The following HEMK2 variants were observed in gnomAD, a reference collection of about 807,000 sequenced individuals.
The protein encoded by HEMK2 is methyltransferase HEMK2.
chr21:28,817,324 C>CA, the HEMK2 span, among the ~76,000 whole-genome samples: 2 of 151,078 alleles, frequency 1.3e-5, no homozygotes, highest in African/African-American at 2.4e-5. Flanking sequence ...GGATGTATTC[C>CA]AAAAAAATTA....
the HEMK2 span, among the ~76,000 whole-genome samples, chr21:28,690,432 T>G: frequency 2.6e-5 from 4 of 152,196 alleles, no homozygotes; most frequent in African/African-American, 7.2e-5. Flanking sequence ...TCTAGCCTTA[T>G]GAGACTCATA....
At chr21:28,867,236 C>G in the HEMK2 span, among the ~76,000 whole-genome samples, 1 of 151,966 alleles carries the variant, frequency 6.6e-6, no homozygotes, top group Non-Finnish European at 1.5e-5. Flanking sequence ...CTGGAAACAA[C>G]CTAAAATTCA....
chr21:28,869,194 C>T, the HEMK2 span, among the ~76,000 whole-genome samples: 4 of 152,136 alleles, frequency 2.6e-5, no homozygotes, highest in Admixed American at 6.5e-5. Context: ...TTTCAACAAA[C>T]GTATATCCAC....
chr21:28,721,456 A>G, the HEMK2 span, among the ~76,000 whole-genome samples: 1 of 152,202 alleles, frequency 6.6e-6, no homozygotes, highest in Admixed American at 6.5e-5. Context: ...GTATTTTTAC[A>G]TAATAGGCAT....
chr21:28,599,760 C>T, the HEMK2 span, among the ~76,000 whole-genome samples: 7 of 152,178 alleles, frequency 4.6e-5, no homozygotes, highest in Non-Finnish European at 1.0e-4. Flanking sequence ...AAATTAAAAG[C>T]AAGTTAGTTA....
chr21:28,863,252 T>G, the HEMK2 span, among the ~76,000 whole-genome samples: 1 of 151,330 alleles, frequency 6.6e-6, no homozygotes, highest in African/African-American at 2.4e-5. Context: ...CCTTCCAGCC[T>G]ATATCTTTCT....
At chr21:28,684,465 T>G in the HEMK2 span, among the ~76,000 whole-genome samples, 2 of 152,206 alleles carry the variant, frequency 1.3e-5, no homozygotes, top group African/African-American at 4.8e-5. Context: ...TTCGAGTCTG[T>G]CATTACGGTT....
At chr21:28,850,790 G>C in the HEMK2 span, among the ~76,000 whole-genome samples, 1 of 152,224 alleles carries the variant, frequency 6.6e-6, no homozygotes, top group Non-Finnish European at 1.5e-5. Context: ...ATATAAAAGG[G>C]AGTTTACTAA....
At chr21:28,663,448 A>C in the HEMK2 span, among the ~76,000 whole-genome samples, 1 of 152,246 alleles carries the variant, frequency 6.6e-6, no homozygotes, top group South Asian at 2.1e-4. Context: ...CAGCCAAATG[A>C]AACACTGCGA....
chr21:28,794,575 T>A, the HEMK2 span, among the ~76,000 whole-genome samples: 5 of 152,248 alleles, frequency 3.3e-5, no homozygotes, highest in African/African-American at 1.2e-4. Flanking sequence ...AACTGCATAT[T>A]TGAGAATTTC....
the HEMK2 span, among the ~76,000 whole-genome samples, chr21:28,712,352 G>C: frequency 6.6e-6 from 1 of 152,236 alleles, no homozygotes; most frequent in Non-Finnish European, 1.5e-5. Flanking sequence ...ACAATGTTTA[G>C]TAATAGAGAA....
At chr21:28,717,254 A>T in the HEMK2 span, among the ~76,000 whole-genome samples, 2 of 151,840 alleles carry the variant, frequency 1.3e-5, no homozygotes, top group African/African-American at 4.8e-5. Context: ...AGGGTTTTTT[A>T]AGGTTGGGTG....
chr21:28,589,632 C>T, the HEMK2 span, among the ~76,000 whole-genome samples: 202 of 152,080 alleles, frequency 1.3e-3, 1 homozygote, highest in African/African-American at 4.5e-3. Context: ...CAGGAGGTTA[C>T]AGACAAACAA....
At chr21:28,769,517 T>C in the HEMK2 span, among the ~76,000 whole-genome samples, 1 of 152,092 alleles carries the variant, frequency 6.6e-6, no homozygotes, top group Non-Finnish European at 1.5e-5. Flanking sequence ...CTACTCCAGA[T>C]GTAAATTTTC....
chr21:28,792,247 GC>G, the HEMK2 span, among the ~76,000 whole-genome samples: 3 of 152,134 alleles, frequency 2.0e-5, no homozygotes. Flanking sequence ...CCAACCAGCA[GC>G]CCTCTGGTTG....
chr21:28,641,429 A>C, the HEMK2 span, among the ~76,000 whole-genome samples: 1 of 152,154 alleles, frequency 6.6e-6, no homozygotes. Context: ...ACCTCTAAAA[A>C]ATGGGCTATA....
At chr21:28,637,634 G>T in the HEMK2 span, among the ~76,000 whole-genome samples, 1 of 152,152 alleles carries the variant, frequency 6.6e-6, no homozygotes, top group Admixed American at 6.5e-5. Flanking sequence ...GTTGAGACTT[G>T]AGCAGCCTTC....
the HEMK2 span, among the ~76,000 whole-genome samples, chr21:28,838,990 TATATATATATACATATATATAC>T: frequency 1.6e-4 from 13 of 79,390 alleles, no homozygotes; most frequent in African/African-American, 6.5e-4. Flanking sequence ...TATATATATA[TATATATATATACATATATATAC>T]ACAATCTGCC....
the HEMK2 span, among the ~76,000 whole-genome samples, chr21:28,869,934 T>C: frequency 6.6e-6 from 1 of 152,236 alleles, no homozygotes; most frequent in Non-Finnish European, 1.5e-5. Flanking sequence ...ACTTCAGAAC[T>C]GGAACACTGC....
Sources: gnomAD v4.1 joint callset for allele counts (sites outside exome capture counted in the v4.1 genomes callset) on GRCh38, gnomAD v4.1.1 for gene constraint, MANE v1.5 for transcripts, NCBI Gene and HGNC (gene_info 2026-07-23, HGNC 2026-07-21) for gene names.